UNC79: variants seen among roughly 807,000 people sequenced by gnomAD.
UNC79 encodes unc-79 subunit of NALCN channel complex.
A neutral mutation model predicts 283.1 loss-of-function variants in UNC79; 37 were observed. The ratio of observed to expected loss-of-function variants is 0.13; its 90% CI spans 0.10 to 0.17. UNC79 has a LOEUF of 0.17. UNC79 is among the 10% of genes least tolerant of loss of function. The pLI is 1.00. For synonymous variants in UNC79, 1,107 were observed against 1,200.2 expected, an observed-to-expected ratio of 0.92 and a Z score of 1.61; for missense variants, 2,272 against 3,211.1, an observed-to-expected ratio of 0.71 and a Z score of 7.07.
At chr14:93,654,808 C>T (rs899023126) in intron 37 of UNC79, among the ~76,000 whole-genome samples, 19 of 152,086 alleles carry the variant, frequency 1.2e-4, no homozygotes, top group African/African-American at 3.9e-4. Flanking sequence ...GGCGTTGGAT[C>T]AAGAGACTTG....
At chr14:93,481,226 A>G (rs965177574) in intron 4 of UNC79, among the ~76,000 whole-genome samples, 2 of 152,168 alleles carry the variant, frequency 1.3e-5, no homozygotes, top group Non-Finnish European at 1.5e-5. Flanking sequence ...TAAATAAAAT[A>G]TATTTCTCTT....
At chr14:93,518,760 A>T (rs995583391) in intron 7 of UNC79, among the ~76,000 whole-genome samples, 2 of 151,916 alleles carry the variant, frequency 1.3e-5, no homozygotes, top group African/African-American at 4.8e-5. Flanking sequence ...ATTTCAGTGC[A>T]GGATATTTTC....
chr14:93,705,158 G>GC (rs1566951836), intron 48 of UNC79, among the ~76,000 whole-genome samples: 1 of 151,932 alleles, frequency 6.6e-6, no homozygotes, highest in Non-Finnish European at 1.5e-5. Context: ...TCACTTGGAA[G>GC]CCCAGGAGTT....
chr14:93,522,283 C>T (rs550292345), intron 7 of UNC79, among the ~76,000 whole-genome samples: 1 of 152,074 alleles, frequency 6.6e-6, no homozygotes, highest in Non-Finnish European at 1.5e-5. Flanking sequence ...TTCTGTAAAG[C>T]AATCTGCAGA....
chr14:93,651,659 T>C (rs1291096656), intron 35 of UNC79, among the ~76,000 whole-genome samples: 1 of 151,524 alleles, frequency 6.6e-6, no homozygotes, highest in Admixed American at 6.6e-5. Flanking sequence ...GTAGATCTCT[T>C]TAGGATTTGA....
At chr14:93,670,363 A>G (rs1218479119) in intron 40 of UNC79, among the ~76,000 whole-genome samples, 2 of 152,090 alleles carry the variant, frequency 1.3e-5, no homozygotes, top group Admixed American at 1.3e-4. Flanking sequence ...TGGTTGTTTT[A>G]CCCGTGCTTT....
At chr14:93,360,352 G>A (rs2054194211) in intron 1 of UNC79, among the ~76,000 whole-genome samples, 1 of 152,198 alleles carries the variant, frequency 6.6e-6, no homozygotes, top group African/African-American at 2.4e-5. Flanking sequence ...ATACAGAGGT[G>A]GTGATTCCCT....
intron 26 of UNC79, among the ~76,000 whole-genome samples, chr14:93,612,527 G>A (rs989846948): frequency 2.6e-5 from 4 of 152,120 alleles, no homozygotes; most frequent in Non-Finnish European, 5.9e-5. Context: ...TGCTGTTTCA[G>A]GATAATATTG....
At chr14:93,586,161 A>T (rs2064211690) in intron 20 of UNC79, among the ~76,000 whole-genome samples, 1 of 152,156 alleles carries the variant, frequency 6.6e-6, no homozygotes. Flanking sequence ...GATTACAGGC[A>T]TGAGCCACCG....
chr14:93,499,523 C>A (rs1382475227), intron 7 of UNC79, among the ~76,000 whole-genome samples: 1 of 152,152 alleles, frequency 6.6e-6, no homozygotes, highest in Non-Finnish European at 1.5e-5. Context: ...TTACTACAAT[C>A]TAGACATGGA....
exon 23 of UNC79, chr14:93,593,713 G>A (rs773122996): frequency 1.6e-5 from 26 of 1,613,418 alleles, no homozygotes; most frequent in Middle Eastern, 1.6e-4. Flanking sequence ...AGTTCTCTCA[G>A]CTGTCTTCCC....
chr14:93,361,969 T>C (rs1338003423), intron 1 of UNC79, among the ~76,000 whole-genome samples: 1 of 152,240 alleles, frequency 6.6e-6, no homozygotes, highest in Non-Finnish European at 1.5e-5. Context: ...TTTTTAGTTC[T>C]GTTCATGTGA....
intron 1 of UNC79, among the ~76,000 whole-genome samples, chr14:93,397,458 G>C: frequency 6.6e-6 from 1 of 152,190 alleles, no homozygotes; most frequent in East Asian, 1.9e-4. Context: ...GTCCTCTCCA[G>C]TGGTTTCCAG....
chr14:93,637,076 G>T, intron 31 of UNC79, 140 bp from the exon 35 acceptor site: 1 of 685,548 alleles, frequency 1.5e-6, no homozygotes, highest in Non-Finnish European at 2.6e-6. Context: ...TAAAATCTAG[G>T]ATGTGTTCTG....
At chr14:93,460,379 G>A (rs1316058518) in intron 1 of UNC79, among the ~76,000 whole-genome samples, 4 of 151,612 alleles carry the variant, frequency 2.6e-5, no homozygotes, top group Non-Finnish European at 5.9e-5. Flanking sequence ...GTGTGGTGGC[G>A]TGCACCTGTG....
chr14:93,589,744 C>T (rs2064516493), intron 22 of UNC79, among the ~76,000 whole-genome samples: 1 of 152,128 alleles, frequency 6.6e-6, no homozygotes, highest in Admixed American at 6.5e-5. Context: ...GGAGTCCAGA[C>T]TCATTGAGAC....
intron 30 of UNC79, among the ~76,000 whole-genome samples, chr14:93,624,802 C>A (rs2067429085): frequency 6.6e-6 from 1 of 152,116 alleles, no homozygotes; most frequent in Admixed American, 6.5e-5. Flanking sequence ...CAGAGCATGA[C>A]CCAGGCGTCC....
At chr14:93,536,031 G>T (rs2061055113) in intron 11 of UNC79, among the ~76,000 whole-genome samples, 1 of 149,652 alleles carries the variant, frequency 6.7e-6, no homozygotes, top group African/African-American at 2.5e-5. Flanking sequence ...AGGTGTAGAT[G>T]AGGCTTTTTG....
chr14:93,615,472 C>G (rs1264601067), intron 27 of UNC79, among the ~76,000 whole-genome samples: 1 of 151,518 alleles, frequency 6.6e-6, no homozygotes, highest in Non-Finnish European at 1.5e-5. Context: ...GCTTGTAATC[C>G]CAGCACTTTG....
Sources: allele counts gnomAD v4.1 joint callset (sites outside exome capture counted in the v4.1 genomes callset), GRCh38; gene constraint gnomAD v4.1.1; transcripts MANE v1.5; gene names NCBI Gene and HGNC (gene_info 2026-07-23, HGNC 2026-07-21).